DENND1A: variants seen among roughly 807,000 people sequenced by gnomAD.
DENND1A encodes the protein DENN domain containing 1A.
Under a neutral mutation model 113.7 loss-of-function variants are expected in DENND1A, and 51 were observed. The observed-to-expected ratio is 0.45, with a 90% confidence interval of 0.36 to 0.57. The LOEUF (loss-of-function observed/expected upper bound fraction) is 0.57, where lower values mean the gene tolerates loss of function less well. Among genes scored for constraint, DENND1A ranks in the 20% least tolerant of loss-of-function variants. DENND1A has a pLI of 0.00. For synonymous variants in DENND1A, 565 were observed against 570.8 expected (o/e 0.99, Z 0.14); for missense variants, 1,258 against 1,395.9 (o/e 0.90, Z 1.57).
intron 13 of DENND1A, among the ~76,000 whole-genome samples, chr9:123,495,560 G>T (rs1026170982): frequency 6.6e-6 from 1 of 152,220 alleles, no homozygotes; most frequent in Admixed American, 6.5e-5. Flanking sequence ...TCAGGTCTGT[G>T]TGGTCACAGC....
chr9:123,762,212 C>T (rs938767265), intron 4 of DENND1A, among the ~76,000 whole-genome samples: 1 of 152,112 alleles, frequency 6.6e-6, no homozygotes, highest in African/African-American at 2.4e-5. Context: ...AACAAAAAAC[C>T]ATATTTTTCA....
At chr9:123,467,697 A>T (rs981489078) in intron 13 of DENND1A, among the ~76,000 whole-genome samples, 2 of 152,154 alleles carry the variant, frequency 1.3e-5, no homozygotes, top group African/African-American at 2.4e-5. Flanking sequence ...GTTCAAAGGT[A>T]AAAATGTTAG....
intron 2 of DENND1A, among the ~76,000 whole-genome samples, chr9:123,848,928 TGAGA>T (rs1234657607): frequency 6.6e-6 from 1 of 152,156 alleles, no homozygotes; most frequent in Non-Finnish European, 1.5e-5. Flanking sequence ...CTATGAAGGC[TGAGA>T]GAGGTGAGGA....
At chr9:123,631,650 T>C (rs1054649368) in intron 9 of DENND1A, among the ~76,000 whole-genome samples, 1 of 152,230 alleles carries the variant, frequency 6.6e-6, no homozygotes, top group Non-Finnish European at 1.5e-5. Flanking sequence ...GTTTAAGGAC[T>C]GAGGTGAGAA....
intron 5 of DENND1A, among the ~76,000 whole-genome samples, chr9:123,702,272 A>G (rs181866740): frequency 3.8e-4 from 58 of 152,062 alleles, no homozygotes; most frequent in African/African-American, 1.2e-3. Context: ...ATAAAAAAGG[A>G]AAAAAAAGGA....
intron 13 of DENND1A, among the ~76,000 whole-genome samples, chr9:123,497,813 CAAAAAAA>C (rs755257150): frequency 6.3e-4 from 64 of 101,776 alleles, no homozygotes; most frequent in East Asian, 5.6e-3. Flanking sequence ...CTCTTCCATC[CAAAAAAA>C]AAAAAAAAAA....
At chr9:123,519,088 T>C (rs1211493604) in intron 13 of DENND1A, among the ~76,000 whole-genome samples, 2 of 152,178 alleles carry the variant, frequency 1.3e-5, no homozygotes, top group African/African-American at 4.8e-5. Flanking sequence ...TGGAACATTT[T>C]CTCCCCTCCA....
chr9:123,424,534 C>T (rs577049699), intron 19 of DENND1A, among the ~76,000 whole-genome samples: 1 of 152,350 alleles, frequency 6.6e-6, no homozygotes, highest in South Asian at 2.1e-4. Flanking sequence ...GCCTCAACTA[C>T]TTCCATCCCC....
chr9:123,547,938 T>C (rs1358803006), intron 13 of DENND1A, among the ~76,000 whole-genome samples: 1 of 152,186 alleles, frequency 6.6e-6, no homozygotes, highest in Non-Finnish European at 1.5e-5. Context: ...ACTATGCTGG[T>C]GTTTGGTGCA....
intron 17 of DENND1A, 73 bp from the exon 18 acceptor site, chr9:123,450,822 T>C (rs913878482): frequency 3.2e-6 from 4 of 1,265,572 alleles, no homozygotes; most frequent in African/African-American, 3.0e-5. Flanking sequence ...TTTCAGTCCA[T>C]CGAGAATCAC....
intron 1 of DENND1A, among the ~76,000 whole-genome samples, chr9:123,920,157 A>C (rs7032412): frequency 0.12 from 18,927 of 152,244 alleles, 1,726 homozygotes; most frequent in African/African-American, 0.26. Context: ...AAGGCCGGGC[A>C]TGGTGGCTCA....
chr9:123,561,650 G>C (rs2057763622), intron 12 of DENND1A, among the ~76,000 whole-genome samples: 1 of 152,118 alleles, frequency 6.6e-6, no homozygotes, highest in Admixed American at 6.6e-5. Flanking sequence ...TTCATCAGGG[G>C]TAATTTGGGT....
At chr9:123,558,492 A>G (rs1407643596) in intron 12 of DENND1A, among the ~76,000 whole-genome samples, 2 of 152,204 alleles carry the variant, frequency 1.3e-5, no homozygotes, top group East Asian at 1.9e-4. Context: ...TATAAATGTA[A>G]GCCACCAGGT....
At chr9:123,385,370 G>C (rs1306429405) in intron 22 of DENND1A, among the ~76,000 whole-genome samples, 1 of 152,114 alleles carries the variant, frequency 6.6e-6, no homozygotes, top group African/African-American at 2.4e-5. Flanking sequence ...TCACTATGTT[G>C]GCCAGGCTGG....
At chr9:123,393,119 T>C (rs2042940047) in intron 21 of DENND1A, among the ~76,000 whole-genome samples, 1 of 152,234 alleles carries the variant, frequency 6.6e-6, no homozygotes, top group Non-Finnish European at 1.5e-5. Flanking sequence ...ATCTGTAAAA[T>C]GGAGATTCTG....
At chr9:123,598,785 A>C (rs576502716) in intron 11 of DENND1A, among the ~76,000 whole-genome samples, 1 of 152,288 alleles carries the variant, frequency 6.6e-6, no homozygotes, top group South Asian at 2.1e-4. Context: ...CGGTCAGTAC[A>C]AAATATTTGC....
intron 21 of DENND1A, chr9:123,401,776 C>G: frequency 6.2e-7 from 1 of 1,613,760 alleles, no homozygotes; most frequent in African/African-American, 1.3e-5. Context: ...CGAAGTCAGC[C>G]CCTCTGCCCA....
chr9:123,396,370 C>A (rs1407893011), intron 21 of DENND1A, among the ~76,000 whole-genome samples: 1 of 152,250 alleles, frequency 6.6e-6, no homozygotes, highest in South Asian at 2.1e-4. Context: ...GATGGGCCCA[C>A]GCCCCCAGGG....
intron 13 of DENND1A, among the ~76,000 whole-genome samples, chr9:123,542,564 C>G (rs2056366392): frequency 6.6e-6 from 1 of 152,140 alleles, no homozygotes; most frequent in Admixed American, 6.5e-5. Flanking sequence ...AGGAGGGTGA[C>G]CTTTGCACAC....
Sources: allele counts gnomAD v4.1 joint callset (sites outside exome capture counted in the v4.1 genomes callset), GRCh38; gene constraint gnomAD v4.1.1; transcripts MANE v1.5; gene names NCBI Gene and HGNC (gene_info 2026-07-23, HGNC 2026-07-21).